The following PPM1H variants were observed in gnomAD, a reference collection of about 807,000 sequenced individuals.
PPM1H encodes the protein protein phosphatase 1H.
A neutral mutation model predicts 54.9 loss-of-function variants in PPM1H; 27 were observed. The ratio of observed to expected loss-of-function variants is 0.49; its 90% CI spans 0.36 to 0.68. The LOEUF (loss-of-function observed/expected upper bound fraction) is 0.68, where lower values mean the gene tolerates loss of function less well. Among genes scored for constraint, PPM1H ranks in the 30% least tolerant of loss-of-function variants. The pLI is 0.00. For missense variants in PPM1H, 596 were observed against 667.8 expected, an observed-to-expected ratio of 0.89 and a Z score of 1.19; for synonymous variants, 305 against 270.8, an observed-to-expected ratio of 1.13 and a Z score of -1.24.
intron 2 of PPM1H, among the ~76,000 whole-genome samples, chr12:62,807,232 C>CAA (rs1007122713): frequency 6.7e-6 from 1 of 149,784 alleles, no homozygotes; most frequent in African/African-American, 2.5e-5. Flanking sequence ...ATAAGTGTAA[C>CAA]AAAAAAAAAC....
chr12:62,840,921 T>TA (rs1349324731), intron 1 of PPM1H, among the ~76,000 whole-genome samples: 1 of 151,596 alleles, frequency 6.6e-6, no homozygotes, highest in Non-Finnish European at 1.5e-5. Flanking sequence ...CAGGGTCTCT[T>TA]ACAATAGTCC....
chr12:62,722,677 G>T (rs2120470996), intron 5 of PPM1H, among the ~76,000 whole-genome samples: 2 of 152,244 alleles, frequency 1.3e-5, no homozygotes, highest in South Asian at 4.1e-4. Flanking sequence ...AAATGTCTCT[G>T]ACATTATTTA....
At chr12:62,771,825 G>A (rs943026158) in intron 4 of PPM1H, among the ~76,000 whole-genome samples, 21 of 152,040 alleles carry the variant, frequency 1.4e-4, no homozygotes, top group African/African-American at 4.8e-4. Context: ...CCCACACCCC[G>A]TTACAATGTG....
chr12:62,765,008 T>TG (rs774810955), intron 4 of PPM1H, among the ~76,000 whole-genome samples: 1 of 152,224 alleles, frequency 6.6e-6, no homozygotes, highest in Non-Finnish European at 1.5e-5. Context: ...AGAAGGACCT[T>TG]GCAGGTCATC....
At chr12:62,851,365 A>AT (rs1310935591) in intron 1 of PPM1H, among the ~76,000 whole-genome samples, 35 of 152,250 alleles carry the variant, frequency 2.3e-4, no homozygotes, top group Non-Finnish European at 4.4e-5. Context: ...CAGAGAAAAA[A>AT]GAAATCCCTA....
At chr12:62,754,631 G>T (rs932348026) in intron 4 of PPM1H, among the ~76,000 whole-genome samples, 18 of 152,182 alleles carry the variant, frequency 1.2e-4, no homozygotes, top group Non-Finnish European at 2.4e-4. Context: ...GAAAGCAGCA[G>T]TCACTGGTGG....
At chr12:62,663,448 A>G (rs895349111) in intron 9 of PPM1H, among the ~76,000 whole-genome samples, 7 of 152,032 alleles carry the variant, frequency 4.6e-5, no homozygotes, top group African/African-American at 1.7e-4. Context: ...CAGCCTCCCA[A>G]AGGGTTAGGA....
intron 6 of PPM1H, among the ~76,000 whole-genome samples, chr12:62,695,343 T>C (rs1011397116): frequency 4.6e-5 from 7 of 152,134 alleles, no homozygotes; most frequent in African/African-American, 1.7e-4. Context: ...CTCAGGATCC[T>C]CATTAATCAA....
At chr12:62,752,661 G>T (rs769317995) in intron 4 of PPM1H, among the ~76,000 whole-genome samples, 15 of 152,064 alleles carry the variant, frequency 9.9e-5, no homozygotes, top group Admixed American at 8.5e-4. Context: ...ACATATAAAG[G>T]AGTCCCATGC....
chr12:62,925,946 A>G (rs1871958314), intron 1 of PPM1H, among the ~76,000 whole-genome samples: 1 of 152,240 alleles, frequency 6.6e-6, no homozygotes, highest in Non-Finnish European at 1.5e-5. Context: ...ATATTTGTTG[A>G]CTGAGTTATC....
At chr12:62,881,612 C>T (rs2121045517) in intron 1 of PPM1H, among the ~76,000 whole-genome samples, 1 of 152,288 alleles carries the variant, frequency 6.6e-6, no homozygotes, top group African/African-American at 2.4e-5. Context: ...TTAATTCATA[C>T]ATATCTAGAT....
chr12:62,698,595 T>C (rs1449889125), intron 6 of PPM1H, among the ~76,000 whole-genome samples: 1 of 152,060 alleles, frequency 6.6e-6, no homozygotes, highest in African/African-American at 2.4e-5. Flanking sequence ...CAAAAAATGG[T>C]ACCCGGAACT....
intron 8 of PPM1H, among the ~76,000 whole-genome samples, chr12:62,680,013 A>G (rs993918132): frequency 6.6e-6 from 1 of 152,144 alleles, no homozygotes; most frequent in African/African-American, 2.4e-5. Context: ...ACTGCCATCA[A>G]TTCCTTCCCT....
rs550647141 is a variant in PPM1H at position 62,858,054 on chromosome 12, T to C, written c.246-25775A>G. ...TCTACATTTGCAATGGATCCCCAAA[T>C]GGACCATTACCACCACCACCACCAC... On this transcript the variant is annotated intron_variant, in intron 1 of 9. Coordinates refer to ENST00000228705, the MANE Select transcript of PPM1H (RefSeq NM_020700.2). Among the ~76,000 whole-genome samples, 4 of 150,994 alleles carry C rather than the reference T, an allele frequency of 2.6e-5. No individual in the cohort carries two copies. The South Asian group carries it at 8.3e-4, about 31-fold the overall frequency.
intron 4 of PPM1H, among the ~76,000 whole-genome samples, chr12:62,763,459 T>TG (rs923966584): frequency 6.6e-6 from 1 of 152,228 alleles, no homozygotes; most frequent in African/African-American, 2.4e-5. Context: ...CTGCTTTGCA[T>TG]GCAGCAGTTG....
intron 1 of PPM1H, among the ~76,000 whole-genome samples, chr12:62,928,778 AGTTTGGTTTAAT>A (rs72238907): frequency 0.061 from 9,316 of 152,196 alleles, 571 homozygotes; most frequent in East Asian, 0.26. Flanking sequence ...AGGTCAGTTG[AGTTTGGTTTAAT>A]GTCCCCGCTG....
intron 8 of PPM1H, among the ~76,000 whole-genome samples, chr12:62,688,044 T>A (rs999762425): frequency 1.3e-4 from 19 of 151,918 alleles, no homozygotes; most frequent in African/African-American, 4.3e-4. Flanking sequence ...AAACCTTAAT[T>A]ACACATTGTA....
intron 1 of PPM1H, among the ~76,000 whole-genome samples, chr12:62,835,585 TCAGA>T (rs966053020): frequency 1.3e-5 from 2 of 152,206 alleles, no homozygotes; most frequent in African/African-American, 4.8e-5. Flanking sequence ...TAATGAAGTA[TCAGA>T]CAGTCAGAAA....
At chr12:62,678,049 C>T (rs568132022) in intron 8 of PPM1H, among the ~76,000 whole-genome samples, 12 of 152,286 alleles carry the variant, frequency 7.9e-5, no homozygotes, top group East Asian at 3.9e-4. Context: ...CTCAAGCAAT[C>T]GATCCTCCCA....
Sources: gnomAD v4.1 joint callset for allele counts (sites outside exome capture counted in the v4.1 genomes callset) on GRCh38, gnomAD v4.1.1 for gene constraint, MANE v1.5 for transcripts, NCBI Gene and HGNC (gene_info 2026-07-23, HGNC 2026-07-21) for gene names.